BBS9: variants seen among roughly 807,000 people sequenced by gnomAD.
BBS9 encodes the protein Bardet-Biedl syndrome 9.
In BBS9, 89 loss-of-function variants were observed where a neutral mutation model predicts 117.7. The ratio of observed to expected loss-of-function variants is 0.76; its 90% CI spans 0.64 to 0.90. BBS9 has a LOEUF of 0.90. Among genes scored for constraint, BBS9 ranks in the 40% least tolerant of loss-of-function variants. BBS9 has a pLI of 0.00. For synonymous variants in BBS9, 379 were observed against 370.9 expected (o/e 1.02, Z -0.25); for missense variants, 982 against 1,042.2 (o/e 0.94, Z 0.80).
intron 15 of BBS9, among the ~76,000 whole-genome samples, chr7:33,357,337 A>G (rs1169289224): frequency 6.6e-6 from 1 of 151,810 alleles, no homozygotes; most frequent in African/African-American, 2.4e-5. Context: ...GAACTTCAGA[A>G]GAGCAAATCT....
At chr7:33,256,052 C>G (rs912839559) in intron 5 of BBS9, among the ~76,000 whole-genome samples, 1 of 152,034 alleles carries the variant, frequency 6.6e-6, no homozygotes, top group African/African-American at 2.4e-5. Context: ...ACTTGGGAGG[C>G]TGAGGTGGGA....
intron 20 of BBS9, among the ~76,000 whole-genome samples, chr7:33,507,343 C>T (rs922056194): frequency 4.6e-5 from 7 of 152,072 alleles, no homozygotes; most frequent in African/African-American, 1.2e-4. Context: ...TGGGTTCAAG[C>T]GAATCTCCTG....
chr7:33,191,797 T>C (rs908208956), intron 5 of BBS9, among the ~76,000 whole-genome samples: 5 of 152,248 alleles, frequency 3.3e-5, no homozygotes, highest in African/African-American at 1.2e-4. Flanking sequence ...TCTCAAATTA[T>C]TTACAGAAGA....
chr7:33,306,481 A>G (rs1007083514), intron 9 of BBS9, among the ~76,000 whole-genome samples: 1 of 152,130 alleles, frequency 6.6e-6, no homozygotes, highest in African/African-American at 2.4e-5. Context: ...TTAAAATATG[A>G]GTCTTTTACA....
chr7:33,284,913 T>C (rs1406548249), intron 9 of BBS9, among the ~76,000 whole-genome samples: 1 of 152,170 alleles, frequency 6.6e-6, no homozygotes, highest in Non-Finnish European at 1.5e-5. Context: ...TTGCTACTCT[T>C]AACCAGTGTA....
chr7:33,499,432 T>C (rs1218372041), intron 19 of BBS9, among the ~76,000 whole-genome samples: 1 of 152,232 alleles, frequency 6.6e-6, no homozygotes, highest in African/African-American at 2.4e-5. Flanking sequence ...CTAGGGGATG[T>C]ATAAATTCAT....
intron 19 of BBS9, among the ~76,000 whole-genome samples, chr7:33,483,532 A>G (rs1842746111): frequency 1.3e-5 from 2 of 152,058 alleles, no homozygotes; most frequent in South Asian, 4.1e-4. Flanking sequence ...TTTTAATCCC[A>G]TCAAGGTCAT....
At chr7:33,294,248 A>G (rs1804695532) in intron 9 of BBS9, among the ~76,000 whole-genome samples, 1 of 151,882 alleles carries the variant, frequency 6.6e-6, no homozygotes, top group Non-Finnish European at 1.5e-5. Context: ...CCATATGCCA[A>G]ACACACACAC....
intron 9 of BBS9, among the ~76,000 whole-genome samples, chr7:33,335,507 T>C (rs1815157874): frequency 1.3e-5 from 2 of 152,220 alleles, no homozygotes; most frequent in African/African-American, 4.8e-5. Flanking sequence ...TATCACGATG[T>C]TGAATTTTTT....
chr7:33,283,538 C>G (rs573409843), intron 9 of BBS9, among the ~76,000 whole-genome samples: 2 of 151,944 alleles, frequency 1.3e-5, no homozygotes, highest in Admixed American at 1.3e-4. Flanking sequence ...TCTAGTGTGG[C>G]TTTCAACCCC....
intron 4 of BBS9, among the ~76,000 whole-genome samples, chr7:33,160,531 G>A (rs1400230196): frequency 6.6e-6 from 1 of 152,074 alleles, no homozygotes; most frequent in African/African-American, 2.4e-5. Context: ...GCATAAGCAA[G>A]AAAAAATAGG....
chr7:33,393,751 C>T (rs1219090110), intron 19 of BBS9, among the ~76,000 whole-genome samples: 2 of 152,118 alleles, frequency 1.3e-5, no homozygotes, highest in Non-Finnish European at 2.9e-5. Context: ...GGCAACCATC[C>T]ACGAAGGGTT....
intron 4 of BBS9, among the ~76,000 whole-genome samples, chr7:33,167,403 CTT>C (rs1202170784): frequency 2.6e-4 from 35 of 134,126 alleles, no homozygotes; most frequent in Non-Finnish European, 2.7e-4. Context: ...TCTGAGAATT[CTT>C]TTTTTTTTTT....
At chr7:33,351,127 T>G in intron 13 of BBS9, 92 bp from the exon 14 acceptor site, 1 of 782,392 alleles carries the variant, frequency 1.3e-6, no homozygotes, top group Non-Finnish European at 2.2e-6. Flanking sequence ...TGACAGTACC[T>G]GGCATGTGGT....
In BBS9 at chr7:33,257,384, T is replaced by C; in HGVS notation, c.591T>C (p.Ser197=). 1.2e-6 allele frequency: 2 copies of C among 1,613,942 alleles called. No homozygotes were observed. The highest frequency in any genetic ancestry group is 1.7e-6 in the Non-Finnish European group (2 of 1,179,882). The change falls in exon 6 of 23, where the codon TCT becomes TCC. Residue 197 remains serine, a synonymous_variant. Transcript: ENST00000242067. ...SSRTDSFLTV[S]SCQQVESYKY... is the part of the protein sequence containing the mutation. ...GTACAGATTCCTTCCTTACTGTCTC[T>C]TCCTGCCAACAAGTGGAAAGTTATA... is the stretch of plus-strand genomic sequence containing the variant.
At chr7:33,281,232 G>T (rs1018380916) in intron 9 of BBS9, among the ~76,000 whole-genome samples, 1 of 150,744 alleles carries the variant, frequency 6.6e-6, no homozygotes, top group Admixed American at 6.6e-5. Context: ...TGTTTTTTTT[G>T]GTGAGTTAAA....
chr7:33,404,438 A>G (rs1829547136), intron 19 of BBS9, among the ~76,000 whole-genome samples: 1 of 151,922 alleles, frequency 6.6e-6, no homozygotes, highest in Non-Finnish European at 1.5e-5. Context: ...CTTGGGCAGT[A>G]TGGCCATTTT....
chr7:33,555,544 A>G (rs1274667503), intron 21 of BBS9, among the ~76,000 whole-genome samples: 1 of 152,202 alleles, frequency 6.6e-6, no homozygotes, highest in Non-Finnish European at 1.5e-5. Flanking sequence ...GATGAAGAGG[A>G]GCAAATGGGT....
chr7:33,501,753 C>T (rs1845476231), intron 19 of BBS9, among the ~76,000 whole-genome samples: 1 of 152,170 alleles, frequency 6.6e-6, no homozygotes, highest in Admixed American at 6.5e-5. Context: ...AGTGCAGCCT[C>T]CATTAAGTAA....
Sources: allele counts gnomAD v4.1 joint callset (sites outside exome capture counted in the v4.1 genomes callset), GRCh38; gene constraint gnomAD v4.1.1; transcripts MANE v1.5; gene names NCBI Gene and HGNC (gene_info 2026-07-23, HGNC 2026-07-21).